Variants in UBE2D3 observed in about 807,000 individuals in gnomAD.
The protein encoded by UBE2D3 is ubiquitin-conjugating enzyme E2 D3.
In UBE2D3, 2 loss-of-function variants were observed where a neutral mutation model predicts 22.8. That is an observed-to-expected ratio of 0.09 (90% CI 0.04 to 0.28). The LOEUF (loss-of-function observed/expected upper bound fraction) is 0.28, where lower values mean the gene tolerates loss of function less well. Ranked by LOEUF, UBE2D3 falls within the 10% of genes least tolerant of loss-of-function variation. UBE2D3 has a pLI of 1.00. For missense variants in UBE2D3, 27 were observed against 182.5 expected, an observed-to-expected ratio of 0.15 and a Z score of 4.91; for synonymous variants, 56 against 60.4, an observed-to-expected ratio of 0.93 and a Z score of 0.34.
In UBE2D3 at chr4:102,796,918, C is replaced by T. The variant is rs1463144757; in HGVS notation, c.*497G>A. 6.6e-6 allele frequency: 1 copy of T among 152,638 alleles called. No individual in the cohort carries two copies. The highest frequency in any genetic ancestry group is 6.6e-5 in the Admixed American group (1 of 15,258). 9.5% of individuals were successfully genotyped at this position (152,638 alleles called of 1,614,324 possible). A position where few individuals can be genotyped will look rare whatever the true frequency, so the allele number is the denominator to read the frequency against. On this transcript the variant is annotated 3_prime_UTR_variant, in exon 8 of 8. Transcript: ENST00000453744. ...TATAAATTCAATACCAATTCTCCAG[C>T]CACATCAGTTATGAGCATAAAGCAT...
exon 1 of UBE2D3, chr4:102,868,870 G>A: frequency 3.3e-6 from 5 of 1,524,704 alleles, no homozygotes; most frequent in Non-Finnish European, 3.6e-6. Flanking sequence ...CTACCCGCCA[G>A]TTCCCGCGCC....
At position 102,834,660 on chromosome 4, in the gene UBE2D3, G is replaced by T. The variant is rs138577620; in HGVS notation, c.-128-8024C>A. 2.3e-3 allele frequency among the ~76,000 whole-genome samples: 348 copies of T among 151,910 alleles called. 2 individuals are homozygous for T. The highest frequency in any genetic ancestry group is 8.3e-3 in the African/African-American group (342 of 41,434). ...CATACTAGGGAGGCTGAGGTGGGAG[G>T]ATTACTTGGGCCCAGGAGGTCAAGG... On this transcript the variant is annotated intron_variant, in intron 1 of 7. Coordinates refer to the UBE2D3 transcript ENST00000338145.
chr4:102,825,879 C>A, intron 2 of UBE2D3: 1 of 437,350 alleles, frequency 2.3e-6, no homozygotes, highest in Non-Finnish European at 4.6e-6. Flanking sequence ...CAGGAAGTGG[C>A]AACACTGTGT....
chr4:102,865,306 A>G (rs1426171627), intron 1 of UBE2D3, among the ~76,000 whole-genome samples: 2 of 152,136 alleles, frequency 1.3e-5, no homozygotes. Flanking sequence ...AGCCTGGCAA[A>G]TATGGTGAAA....
At chr4:102,812,955 T>A (rs1441411817) in intron 2 of UBE2D3, 1 of 152,188 alleles carries the variant, frequency 6.6e-6, no homozygotes, top group Non-Finnish European at 1.5e-5. Flanking sequence ...AAAGTGCTAC[T>A]TTCAACAAGA....
At chr4:102,825,875 G>A (rs1730384492) in intron 2 of UBE2D3, 1 of 440,190 alleles carries the variant, frequency 2.3e-6, no homozygotes, top group African/African-American at 2.0e-5. Context: ...AATACAGGAA[G>A]TGGCAACACT....
chr4:102,825,830 G>A, intron 2 of UBE2D3: 2 of 452,198 alleles, frequency 4.4e-6, no homozygotes, highest in Non-Finnish European at 8.9e-6. Flanking sequence ...GTGTCCCTCG[G>A]ATAAATAGCT....
intron 2 of UBE2D3, among the ~76,000 whole-genome samples, chr4:102,815,205 G>A (rs976086961): frequency 6.6e-6 from 1 of 151,802 alleles, no homozygotes; most frequent in African/African-American, 2.4e-5. Context: ...CACCACACCC[G>A]GCTAATTTTT....
chr4:102,808,031 G>A (rs748782845), intron 4 of UBE2D3, among the ~76,000 whole-genome samples: 4 of 152,182 alleles, frequency 2.6e-5, no homozygotes, highest in African/African-American at 9.6e-5. Flanking sequence ...CTGAATCAAA[G>A]ATGAGCTTTA....
intron 2 of UBE2D3, among the ~76,000 whole-genome samples, chr4:102,821,898 A>G (rs6841647): frequency 0.012 from 1,860 of 152,350 alleles, 35 homozygotes; most frequent in African/African-American, 0.042. Flanking sequence ...AACAGATACA[A>G]GAAAACTGCT....
intron 1 of UBE2D3, among the ~76,000 whole-genome samples, chr4:102,850,291 C>A (rs1409868079): frequency 6.6e-6 from 1 of 152,118 alleles, no homozygotes; most frequent in Non-Finnish European, 1.5e-5. Flanking sequence ...GTTTCTATTT[C>A]CTGGGTGCTG....
intron 2 of UBE2D3, among the ~76,000 whole-genome samples, chr4:102,824,073 G>A (rs1385709610): frequency 6.6e-6 from 1 of 152,188 alleles, no homozygotes. Context: ...ATGTTTGAAA[G>A]TTGCCTCATG....
chr4:102,800,614 A>T (rs1335997515), intron 6 of UBE2D3, among the ~76,000 whole-genome samples: 2 of 152,106 alleles, frequency 1.3e-5, no homozygotes, highest in African/African-American at 4.8e-5. Flanking sequence ...GTAAAATTTT[A>T]AAAACACTCG....
At chr4:102,868,807 T>TTCAGATTCTGATGGAA in exon 1 of UBE2D3, 1 of 1,611,830 alleles carries the variant, frequency 6.2e-7, no homozygotes, top group Non-Finnish European at 8.5e-7. Flanking sequence ...TCTACAGACG[T>TTCAGATTCTGATGGAA]TAAAGGCCCA....
intron 2 of UBE2D3, among the ~76,000 whole-genome samples, chr4:102,820,081 A>G (rs1729358771): frequency 6.6e-6 from 1 of 152,212 alleles, no homozygotes; most frequent in Admixed American, 6.5e-5. Flanking sequence ...AAATTTTAAG[A>G]ATCATCCTCA....
At chr4:102,809,966 C>T (rs1727690234) in intron 2 of UBE2D3, 111 bp from the exon 3 acceptor site, 1 of 986,458 alleles carries the variant, frequency 1.0e-6, no homozygotes, top group Non-Finnish European at 1.6e-6. Flanking sequence ...CACACTCCAT[C>T]ACAATTCACA....
intron 7 of UBE2D3, chr4:102,799,075 C>T (rs1270723819): frequency 5.1e-6 from 7 of 1,365,960 alleles, no homozygotes; most frequent in Admixed American, 1.8e-5. Context: ...GAAATTTAGA[C>T]CAAATTTTTA....
chr4:102,799,841 G>C (rs1022652672), intron 6 of UBE2D3, among the ~76,000 whole-genome samples: 1 of 141,990 alleles, frequency 7.0e-6, no homozygotes, highest in Non-Finnish European at 1.5e-5. Flanking sequence ...CTGGGGGGGG[G>C]GGGACTTTAG....
chr4:102,835,959 T>C (rs953429873), intron 1 of UBE2D3, among the ~76,000 whole-genome samples: 11 of 152,162 alleles, frequency 7.2e-5, no homozygotes, highest in African/African-American at 2.2e-4. Context: ...TAGAGCTGTA[T>C]TGAAGTTGAA....
Sources: allele counts gnomAD v4.1 joint callset (sites outside exome capture counted in the v4.1 genomes callset), GRCh38; gene constraint gnomAD v4.1.1; transcripts MANE v1.5; gene names NCBI Gene and HGNC (gene_info 2026-07-23, HGNC 2026-07-21).